The following PCDH15 variants were observed in gnomAD, a reference collection of about 807,000 sequenced individuals.
PCDH15 encodes protocadherin related 15.
Under a neutral mutation model 178.5 loss-of-function variants are expected in PCDH15, and 129 were observed. The ratio of observed to expected loss-of-function variants is 0.72; its 90% CI spans 0.63 to 0.84. The LOEUF is 0.84. PCDH15 is among the 40% of genes least tolerant of loss of function. The pLI is 0.00. For missense variants in PCDH15, 2,230 were observed against 2,099.9 expected, an observed-to-expected ratio of 1.06 and a Z score of -1.21; for synonymous variants, 800 against 732.0, an observed-to-expected ratio of 1.09 and a Z score of -1.50.
rs1162879732 is a variant in PCDH15 at position 54,901,662 on chromosome 10, T to C, written c.-79-4162A>G. Among the ~76,000 whole-genome samples the C allele has an allele frequency of 2.6e-5, 4 of 152,296 alleles. No homozygotes were observed. The East Asian group carries it at 7.7e-4, about 29-fold the overall frequency. On this transcript the variant is annotated intron_variant, in intron 2 of 5. Transcript: ENST00000458638. ...CCTGGCACCTACACAGATAGTCTCA[T>C]GTAGTCCTTACATGACTCATATTAT...
At chr10:54,593,955 A>G (rs1254956705) in intron 2 of PCDH15, among the ~76,000 whole-genome samples, 1 of 151,866 alleles carries the variant, frequency 6.6e-6, no homozygotes, top group African/African-American at 2.4e-5. Flanking sequence ...GTGTACCCCT[A>G]GTAAATCTTC....
In PCDH15 at chr10:55,270,395, C is replaced by T. The variant is rs147616261; in HGVS notation, c.-156+49204G>A. ...TATTCACAAACTATGCATCTGGCAA[C>T]GGTCTAATATCCAGAATCTGTAAGG... is the stretch of plus-strand genomic sequence containing the variant. On this transcript the variant is annotated intron_variant, in intron 1 of 5. Coordinates refer to the PCDH15 transcript ENST00000458638. 3.3e-3 allele frequency among the ~76,000 whole-genome samples: 496 copies of T among 151,534 alleles called. 4 individuals carry two copies. Among genetic ancestry groups the T allele is most frequent in the African/African-American group, 0.011 (470 of 41,280 alleles).
At chr10:54,445,034 A>T (rs1425444319) in intron 3 of PCDH15, among the ~76,000 whole-genome samples, 2 of 151,018 alleles carry the variant, frequency 1.3e-5, no homozygotes, top group Non-Finnish European at 3.0e-5. Flanking sequence ...CAAGGAGATG[A>T]TTCTCCTTTT....
chr10:55,109,884 A>C (rs1485043270), intron 2 of PCDH15, among the ~76,000 whole-genome samples: 2 of 151,986 alleles, frequency 1.3e-5, no homozygotes, highest in Admixed American at 1.3e-4. Flanking sequence ...TAATGTAAAG[A>C]ATGTGGAAAT....
rs1555156234 is a variant in PCDH15 at position 54,697,515 on chromosome 10, G to GTGTATATATATATATATATATATA, written c.-28-33226_-28-33225insTATATATATATATATATATATACA. ...TATCGCTATGCTTATTGAAATGTGT[G>GTGTATATATATATATATATATATA]TATATATATATATATATATACCTCT... On this transcript the variant is annotated intron_variant, in intron 1 of 37. Transcript: ENST00000644397. Among the ~76,000 whole-genome samples, 158 of 143,074 alleles carry GTGTATATATATATATATATATATA rather than the reference G, an allele frequency of 1.1e-3. 1 individual carries two copies. The highest frequency in any genetic ancestry group is 3.9e-3 in the African/African-American group (147 of 37,824). The allele number at this position is 143,074 out of a possible 152,430, so 93.9% of individuals were successfully genotyped here. A position where few individuals can be genotyped will look rare whatever the true frequency, so the allele number is the denominator to read the frequency against.
chr10:53,828,399 T>C (rs1326849965), intron 31 of PCDH15, among the ~76,000 whole-genome samples, 166 bp downstream of exon 31: 1 of 152,046 alleles, frequency 6.6e-6, no homozygotes, highest in Non-Finnish European at 1.5e-5. Flanking sequence ...TCCAATTGTC[T>C]AAAATCAGCT....
intron 1 of PCDH15, among the ~76,000 whole-genome samples, chr10:55,282,873 C>T (rs1222789058): frequency 6.6e-6 from 1 of 152,104 alleles, no homozygotes; most frequent in Non-Finnish European, 1.5e-5. Context: ...CCTAACCAAC[C>T]CCATTTTGCT....
chr10:54,566,962 C>T (rs1289491088), intron 2 of PCDH15, among the ~76,000 whole-genome samples: 2 of 152,100 alleles, frequency 1.3e-5, no homozygotes, highest in African/African-American at 2.4e-5. Context: ...ATGGATGGGA[C>T]TTCTTCTTGC....
At chr10:54,453,842 C>A (rs1379578553) in intron 3 of PCDH15, among the ~76,000 whole-genome samples, 1 of 151,838 alleles carries the variant, frequency 6.6e-6, no homozygotes, top group East Asian at 1.9e-4. Context: ...CCCTAGAGCC[C>A]TCAGAGGAAG....
In PCDH15 at chr10:55,324,773, G is replaced by A. The variant is rs561334368; in HGVS notation, c.-155-158122C>T. Among the ~76,000 whole-genome samples, 15 of 152,136 alleles carry A rather than the reference G, an allele frequency of 9.9e-5. No individual in the cohort carries two copies. In the East Asian group the frequency reaches 2.9e-3, roughly 29 times the overall value. On this transcript the variant is annotated intron_variant, in intron 2 of 5. Transcript: ENST00000613346. ...ATCTACAGAAATCTAAAGAGAGAAA[G>A]TCAAACTATCCCAGTTTTCAGATGA...
At chr10:55,597,694 T>C (rs1390298590) in intron 2 of PCDH15, among the ~76,000 whole-genome samples, 1 of 152,146 alleles carries the variant, frequency 6.6e-6, no homozygotes, top group Non-Finnish European at 1.5e-5. Context: ...CTCTGCTAAT[T>C]CAACTTTTTT....
intron 19 of PCDH15, among the ~76,000 whole-genome samples, chr10:54,022,056 C>G (rs2092937707): frequency 1.3e-5 from 2 of 151,572 alleles, no homozygotes; most frequent in Admixed American, 1.3e-4. Context: ...GGAAGGGATA[C>G]AGAGTCTGGA....
At chr10:55,600,601 GATC>G (rs1048173449) in intron 2 of PCDH15, among the ~76,000 whole-genome samples, 1 of 152,080 alleles carries the variant, frequency 6.6e-6, no homozygotes, top group Non-Finnish European at 1.5e-5. Context: ...GCTATTAAGG[GATC>G]ATTTGTTCAA....
chr10:54,410,699 A>G (rs1589261728), intron 3 of PCDH15, among the ~76,000 whole-genome samples: 1 of 152,172 alleles, frequency 6.6e-6, no homozygotes, highest in African/African-American at 2.4e-5. Context: ...TGGAAACAGG[A>G]GGCCTCCTGA....
In PCDH15 at chr10:54,753,988, A is replaced by T. The variant is rs1382476949; in HGVS notation, c.-29+46937T>A. Among the ~76,000 whole-genome samples, 58 of 51,268 alleles carry T rather than the reference A, an allele frequency of 1.1e-3. 1 individual carries two copies. Among genetic ancestry groups the T allele is most frequent in the South Asian group, 5.2e-3 (10 of 1,938 alleles). 33.6% of individuals were successfully genotyped at this position (51,268 alleles called of 152,430 possible). Reference sequence around the variant, plus strand: ...CACGGCCGGCTGATTTTTTTTTTTTATTATTATTATTTTTTATTTTTAGTA... The same window carrying T: ...CACGGCCGGCTGATTTTTTTTTTTTTTTATTATTATTTTTTATTTTTAGTA... On this transcript the variant is annotated intron_variant, in intron 1 of 37. Coordinates refer to ENST00000644397, the MANE Select transcript of PCDH15 (RefSeq NM_001384140.1).
At chr10:54,065,181 CT>C (rs1405282019) in intron 18 of PCDH15, among the ~76,000 whole-genome samples, 6 of 152,208 alleles carry the variant, frequency 3.9e-5, no homozygotes, top group Non-Finnish European at 8.8e-5. Flanking sequence ...CAGCTAATTA[CT>C]CTCAGGATTT....
chr10:54,465,409 T>G (rs1425653191), intron 3 of PCDH15, among the ~76,000 whole-genome samples: 2 of 152,028 alleles, frequency 1.3e-5, no homozygotes. Flanking sequence ...CCACATACAT[T>G]TCCTAGCCTC....
At chr10:54,726,192 C>A (rs569666169) in intron 1 of PCDH15, among the ~76,000 whole-genome samples, 62 of 151,436 alleles carry the variant, frequency 4.1e-4, no homozygotes, top group African/African-American at 1.4e-3. Flanking sequence ...CACAGTTTTA[C>A]TAACAGTTAG....
At chr10:55,265,024 G>A (rs1268971212) in intron 1 of PCDH15, among the ~76,000 whole-genome samples, 1 of 152,032 alleles carries the variant, frequency 6.6e-6, no homozygotes, top group Non-Finnish European at 1.5e-5. Flanking sequence ...GGCACTCCCA[G>A]TTGAGAAGCC....
Sources: allele counts gnomAD v4.1 joint callset (sites outside exome capture counted in the v4.1 genomes callset), GRCh38; gene constraint gnomAD v4.1.1; transcripts MANE v1.5; gene names NCBI Gene and HGNC (gene_info 2026-07-23, HGNC 2026-07-21).